The following RARB variants were observed in gnomAD, a reference collection of about 807,000 sequenced individuals.
The protein encoded by RARB is HBV-activated protein.
Under a neutral mutation model 51.9 loss-of-function variants are expected in RARB, and 17 were observed. That is an observed-to-expected ratio of 0.33 (90% CI 0.22 to 0.49). The LOEUF (loss-of-function observed/expected upper bound fraction) is 0.49, where lower values mean the gene tolerates loss of function less well. RARB is among the 20% of genes least tolerant of loss of function. The pLI, the probability that RARB is intolerant of heterozygous loss-of-function variation, is 0.99. For synonymous variants in RARB, 215 were observed against 195.4 expected (o/e 1.10, Z -0.84); for missense variants, 369 against 550.8 (o/e 0.67, Z 3.30).
intron 3 of RARB, among the ~76,000 whole-genome samples, chr3:25,119,192 C>A (rs1329412488): frequency 6.6e-6 from 1 of 152,096 alleles, no homozygotes; most frequent in Non-Finnish European, 1.5e-5. Flanking sequence ...GTAGATTCCT[C>A]AGAATACCTT....
intron 4 of RARB, among the ~76,000 whole-genome samples, chr3:25,577,700 T>C (rs1700995742): frequency 6.6e-6 from 1 of 152,236 alleles, no homozygotes; most frequent in African/African-American, 2.4e-5. Context: ...GGTCTTGTTC[T>C]GAAAGTCCTG....
intron 2 of RARB, among the ~76,000 whole-genome samples, chr3:25,014,364 A>G (rs1167006132): frequency 6.6e-6 from 1 of 152,086 alleles, no homozygotes; most frequent in Non-Finnish European, 1.5e-5. Context: ...TTTGAACCAC[A>G]TGTAAGGAAT....
In RARB at chr3:25,105,851, C is replaced by A. The variant is rs114325459; in HGVS notation, c.-327-26310C>A. On this transcript the variant is annotated intron_variant, in intron 3 of 11. Transcript: ENST00000383772. Reference sequence around the variant, plus strand: ...ATGAACATATATCTTCTTTTCTATGCCTTATCAATTTTAACATCAGAGGAA... The same window carrying A: ...ATGAACATATATCTTCTTTTCTATGACTTATCAATTTTAACATCAGAGGAA... 5.2e-3 allele frequency among the ~76,000 whole-genome samples: 799 copies of A among 152,264 alleles called. 4 individuals are homozygous for A. Among genetic ancestry groups the A allele is most frequent in the African/African-American group, 0.018 (749 of 41,544 alleles).
intron 2 of RARB, among the ~76,000 whole-genome samples, chr3:25,467,108 C>T (rs1695468020): frequency 6.6e-6 from 1 of 152,310 alleles, no homozygotes; most frequent in Middle Eastern, 3.4e-3. Context: ...CTTCCAATCA[C>T]ACTCAAATCC....
chr3:25,153,984 A>G (rs1475140421), intron 4 of RARB, among the ~76,000 whole-genome samples: 2 of 152,216 alleles, frequency 1.3e-5, no homozygotes, highest in Non-Finnish European at 2.9e-5. Context: ...AGGTACATGA[A>G]GAATGCAGAG....
intron 2 of RARB, among the ~76,000 whole-genome samples, chr3:24,888,622 G>A (rs191301922): frequency 1.3e-5 from 2 of 152,154 alleles, no homozygotes; most frequent in East Asian, 3.9e-4. Flanking sequence ...AAATTTAACT[G>A]TATAATGTTG....
intron 3 of RARB, among the ~76,000 whole-genome samples, chr3:25,065,976 T>C (rs1698653486): frequency 6.6e-6 from 1 of 152,178 alleles, no homozygotes; most frequent in South Asian, 2.1e-4. Context: ...CTATGAGTCA[T>C]TAACTAGTGC....
chr3:24,910,780 A>G (rs1381653508), intron 2 of RARB, among the ~76,000 whole-genome samples: 1 of 152,156 alleles, frequency 6.6e-6, no homozygotes, highest in Non-Finnish European at 1.5e-5. Context: ...ATTATGAGGG[A>G]GGATTTTATG....
chr3:25,303,104 C>A (rs1704078775), intron 5 of RARB, among the ~76,000 whole-genome samples: 2 of 152,152 alleles, frequency 1.3e-5, no homozygotes, highest in South Asian at 4.1e-4. Context: ...AGTTCTTTCT[C>A]AGTAGGCTCC....
At chr3:25,486,839 C>T (rs1451408982) in intron 2 of RARB, among the ~76,000 whole-genome samples, 1 of 152,094 alleles carries the variant, frequency 6.6e-6, no homozygotes, top group African/African-American at 2.4e-5. Context: ...ATCCTTGTAT[C>T]CCTCTGTATA....
At chr3:25,143,312 C>T (rs532850394) in intron 4 of RARB, among the ~76,000 whole-genome samples, 2 of 152,194 alleles carry the variant, frequency 1.3e-5, no homozygotes, top group African/African-American at 2.4e-5. Flanking sequence ...GTTGCTGAGG[C>T]ACTGTAAGAA....
intron 1 of RARB, chr3:25,441,509 T>G (rs376675364): frequency 6.1e-6 from 1 of 164,100 alleles, no homozygotes; most frequent in African/African-American, 2.4e-5. Flanking sequence ...GGGTTGGATT[T>G]TCGAGTAGTG....
intron 4 of RARB, among the ~76,000 whole-genome samples, chr3:25,157,445 C>A (rs1345568224): frequency 2.6e-5 from 4 of 151,090 alleles, no homozygotes; most frequent in Non-Finnish European, 5.9e-5. Context: ...ATCCTGTCAC[C>A]CAGGCTGGAA....
At chr3:25,122,700 G>A (rs1699804412) in intron 3 of RARB, among the ~76,000 whole-genome samples, 3 of 152,152 alleles carry the variant, frequency 2.0e-5, no homozygotes. Context: ...AAGTAAGGCT[G>A]GAAAATGTAA....
At chr3:25,460,730 G>A (rs1695138178) in intron 1 of RARB, among the ~76,000 whole-genome samples, 1 of 152,184 alleles carries the variant, frequency 6.6e-6, no homozygotes, top group African/African-American at 2.4e-5. Context: ...TTACAGGTGT[G>A]AGCTACAAAG....
intron 5 of RARB, among the ~76,000 whole-genome samples, chr3:25,216,077 A>C (rs1245593391): frequency 2.0e-5 from 3 of 152,168 alleles, no homozygotes; most frequent in African/African-American, 7.2e-5. Flanking sequence ...GTGCAGGTAT[A>C]CATATGTACT....
intron 3 of RARB, among the ~76,000 whole-genome samples, chr3:25,550,892 A>G (rs901790291): frequency 1.3e-5 from 2 of 152,182 alleles, no homozygotes; most frequent in African/African-American, 4.8e-5. Context: ...TTTCAGCTCT[A>G]TCCATGTCCC....
chr3:24,831,275 C>A (rs1244376300), intron 1 of RARB, among the ~76,000 whole-genome samples: 2 of 152,112 alleles, frequency 1.3e-5, no homozygotes, highest in Non-Finnish European at 2.9e-5. Flanking sequence ...AAAATGAAGG[C>A]TTTACAAGAA....
rs572751429 is a variant in RARB, at chr3:25,191,363, T to A, written c.178+16788T>A. Among the ~76,000 whole-genome samples the A allele has an allele frequency of 8.5e-5, 13 of 152,254 alleles. No individual in the cohort carries two copies. In the South Asian group the frequency reaches 2.7e-3, roughly 32 times the overall value. ...AGTTTTATATCTCTAATAAAGAATT[T>A]TGTTTATTCCACCTTATAATGTGGT... On this transcript the variant is annotated intron_variant, in intron 5 of 11. Transcript: ENST00000383772.
Sources: gnomAD v4.1 joint callset for allele counts (sites outside exome capture counted in the v4.1 genomes callset) on GRCh38, gnomAD v4.1.1 for gene constraint, MANE v1.5 for transcripts, NCBI Gene and HGNC (gene_info 2026-07-23, HGNC 2026-07-21) for gene names.